GUCY1A2: variants seen among roughly 807,000 people sequenced by gnomAD.
The protein encoded by GUCY1A2 is guanylate cyclase 1 soluble subunit alpha 2.
In GUCY1A2, 27 loss-of-function variants were observed where a neutral mutation model predicts 63.5. The observed-to-expected ratio is 0.43, with a 90% CI of 0.31 to 0.59. GUCY1A2 has a LOEUF of 0.59. GUCY1A2 is among the 20% of genes least tolerant of loss of function. The pLI, the probability that GUCY1A2 is intolerant of heterozygous loss-of-function variation, is 0.11. For missense variants in GUCY1A2, 768 were observed against 913.3 expected, an observed-to-expected ratio of 0.84 and a Z score of 2.05; for synonymous variants, 364 against 343.5, an observed-to-expected ratio of 1.06 and a Z score of -0.66.
intron 2 of GUCY1A2, among the ~76,000 whole-genome samples, chr11:106,983,227 G>GAGAA (rs769115762): frequency 2.6e-5 from 4 of 152,176 alleles, no homozygotes; most frequent in African/African-American, 4.8e-5. Flanking sequence ...TGGAGATGAA[G>GAGAA]AGAAGATTTA....
chr11:106,807,958 T>G (rs1858714286), intron 5 of GUCY1A2, among the ~76,000 whole-genome samples: 1 of 152,206 alleles, frequency 6.6e-6, no homozygotes, highest in Non-Finnish European at 1.5e-5. Flanking sequence ...GACTGAAGGC[T>G]GCACTGTTGG....
chr11:106,901,232 A>G (rs1455568826), intron 4 of GUCY1A2, among the ~76,000 whole-genome samples: 1 of 152,162 alleles, frequency 6.6e-6, no homozygotes. Flanking sequence ...TCAACTCCTC[A>G]TATGTTCAAG....
At chr11:106,736,666 G>T (rs906034387) in intron 6 of GUCY1A2, among the ~76,000 whole-genome samples, 1 of 152,078 alleles carries the variant, frequency 6.6e-6, no homozygotes, top group Non-Finnish European at 1.5e-5. Flanking sequence ...TTTCTGTGAA[G>T]AATGTCATTA....
chr11:107,006,810 AC>A (rs1363877889), intron 1 of GUCY1A2, among the ~76,000 whole-genome samples: 2 of 152,174 alleles, frequency 1.3e-5, no homozygotes, highest in African/African-American at 4.8e-5. Flanking sequence ...ACACAGGTGA[AC>A]CTTTGGGATT....
chr11:106,994,295 C>A (rs977020011), intron 1 of GUCY1A2, among the ~76,000 whole-genome samples: 1 of 152,118 alleles, frequency 6.6e-6, no homozygotes, highest in African/African-American at 2.4e-5. Flanking sequence ...GTTTGCTTTC[C>A]CAGTATTTTC....
At chr11:106,872,966 T>C (rs1357127428) in intron 4 of GUCY1A2, among the ~76,000 whole-genome samples, 1 of 151,502 alleles carries the variant, frequency 6.6e-6, no homozygotes, top group East Asian at 2.0e-4. Flanking sequence ...TTCCCCTCCC[T>C]GTGTCAATGT....
chr11:106,714,807 C>A (rs1863186818), intron 6 of GUCY1A2, among the ~76,000 whole-genome samples: 1 of 152,060 alleles, frequency 6.6e-6, no homozygotes, highest in South Asian at 2.1e-4. Context: ...TAACAGCTCC[C>A]CAGCCCTGGA....
chr11:106,733,466 T>C (rs933094471), intron 6 of GUCY1A2, among the ~76,000 whole-genome samples: 2 of 152,128 alleles, frequency 1.3e-5, no homozygotes, highest in Admixed American at 1.3e-4. Flanking sequence ...TCTCTCTTCT[T>C]CCCTTACCAG....
Position 106,709,477 on chromosome 11 carries a change from AT to A in GUCY1A2, c.1837-812del, listed in dbSNP as rs1179351357. The stretch of plus-strand genomic sequence containing the variant: ...CTATATTTATAGAATAATATATATT[AT>A]TATATATTTATATATATATAATAAT... On this transcript the variant is annotated intron_variant, in intron 6 of 7. Transcript: ENST00000526355. Among the ~76,000 whole-genome samples the A allele has an allele frequency of 7.4e-3, 561 of 75,872 alleles. 15 individuals carry two copies. Among genetic ancestry groups the A allele is most frequent in the African/African-American group, 0.034 (519 of 15,222 alleles). The allele number at this position is 75,872 out of a possible 152,430, so 49.8% of individuals were successfully genotyped here. A position where few individuals can be genotyped will look rare whatever the true frequency, so the allele number is the denominator to read the frequency against.
intron 1 of GUCY1A2, among the ~76,000 whole-genome samples, chr11:107,015,700 C>T (rs72996363): frequency 0.14 from 20,415 of 149,742 alleles, 1,697 homozygotes; most frequent in Non-Finnish European, 0.18. Flanking sequence ...TATTTTATTG[C>T]ACAAATGTTG....
Position 106,679,921 on chromosome 11 carries a change from C to G in GUCY1A2, c.*7628G>C. 4.6e-6 allele frequency: 1 copy of G among 218,904 alleles called. No homozygotes were observed. The highest frequency in any genetic ancestry group is 9.2e-6 in the Non-Finnish European group (1 of 109,024). The allele number at this position is 218,904 out of a possible 1,614,324, so 13.6% of individuals were successfully genotyped here. ...GCAGCTGCCGAGAGGTTGGCACTAC[C>G]TCCTAGGAAAACTAAAAATGGCTTG... On this transcript the variant is annotated 3_prime_UTR_variant, in exon 8 of 8. Transcript: ENST00000526355.
intron 4 of GUCY1A2, 97 bp downstream of exon 4, chr11:106,939,363 T>C: frequency 1.4e-6 from 1 of 708,966 alleles, no homozygotes; most frequent in South Asian, 2.0e-5. Flanking sequence ...TTAAGCTCTC[T>C]TGCCTAAATA....
At chr11:106,824,041 G>A (rs1565301353) in intron 4 of GUCY1A2, 2 of 1,402,766 alleles carry the variant, frequency 1.4e-6, no homozygotes, top group Middle Eastern at 1.8e-4. Flanking sequence ...CTTATTGTTG[G>A]CATTTTCTGC....
At chr11:106,722,792 G>A (rs979507739) in intron 6 of GUCY1A2, among the ~76,000 whole-genome samples, 1 of 134,468 alleles carries the variant, frequency 7.4e-6, no homozygotes, top group African/African-American at 2.7e-5. Context: ...TTCTGTGTGT[G>A]TGTGTGTGTG....
chr11:107,003,995 G>A (rs530388510), intron 1 of GUCY1A2, among the ~76,000 whole-genome samples: 73 of 152,282 alleles, frequency 4.8e-4, no homozygotes, highest in African/African-American at 1.7e-3. Flanking sequence ...ATTAGAGCAA[G>A]AAGGCCTAGC....
intron 2 of GUCY1A2, among the ~76,000 whole-genome samples, chr11:106,978,957 T>A (rs889834680): frequency 6.6e-6 from 1 of 152,158 alleles, no homozygotes; most frequent in Non-Finnish European, 1.5e-5. Context: ...ACAAGAAAGC[T>A]ATGTGTGAAA....
intron 4 of GUCY1A2, among the ~76,000 whole-genome samples, chr11:106,895,549 G>A (rs1352564602): frequency 2.0e-5 from 3 of 152,102 alleles, no homozygotes; most frequent in Non-Finnish European, 4.4e-5. Flanking sequence ...ATAAAGGGCA[G>A]TTCCTCCGCA....
At chr11:106,815,865 G>T (rs1474211105) in intron 4 of GUCY1A2, among the ~76,000 whole-genome samples, 1 of 151,800 alleles carries the variant, frequency 6.6e-6, no homozygotes, top group African/African-American at 2.4e-5. Flanking sequence ...GTGACCTCAA[G>T]CCAAGAAACC....
intron 7 of GUCY1A2, among the ~76,000 whole-genome samples, chr11:106,692,801 T>C (rs1040656297): frequency 6.6e-6 from 1 of 152,114 alleles, no homozygotes; most frequent in African/African-American, 2.4e-5. Flanking sequence ...CAAGAGAATT[T>C]TGAGTTTTGC....
Sources: allele counts gnomAD v4.1 joint callset (sites outside exome capture counted in the v4.1 genomes callset), GRCh38; gene constraint gnomAD v4.1.1; transcripts MANE v1.5; gene names NCBI Gene and HGNC (gene_info 2026-07-23, HGNC 2026-07-21).